Variants in DSCAML1 observed in about 807,000 individuals in gnomAD.
DSCAML1 encodes the protein DS cell adhesion molecule like 1.
DSCAML1 carries 38 observed loss-of-function variants against 200.5 expected under a neutral mutation model. That is an observed-to-expected ratio of 0.19 (90% CI 0.15 to 0.25). The LOEUF (loss-of-function observed/expected upper bound fraction) is 0.25. Among genes scored for constraint, DSCAML1 ranks in the 10% least tolerant of loss-of-function variants. DSCAML1 has a pLI of 1.00. For missense variants in DSCAML1, 2,223 were observed against 2,858.8 expected (o/e 0.78, Z 5.07); for synonymous variants, 1,215 against 1,165.0 (o/e 1.04, Z -0.87).
chr11:117,630,463 G>A (rs1288303902), intron 3 of DSCAML1, among the ~76,000 whole-genome samples: 1 of 151,900 alleles, frequency 6.6e-6, no homozygotes, highest in East Asian at 1.9e-4. Context: ...GGCAGCAGAG[G>A]GAGACAGCCC....
chr11:117,724,795 C>T (rs568751025), intron 3 of DSCAML1, among the ~76,000 whole-genome samples: 1 of 152,218 alleles, frequency 6.6e-6, no homozygotes, highest in East Asian at 1.9e-4. Flanking sequence ...TCCACACCCC[C>T]CTGACACTCT....
intron 3 of DSCAML1, among the ~76,000 whole-genome samples, chr11:117,544,197 G>A (rs932066656): frequency 4.1e-4 from 62 of 152,278 alleles, no homozygotes; most frequent in African/African-American, 1.4e-3. Context: ...CCAGGGCCTC[G>A]AAGTACCTCA....
intron 3 of DSCAML1, among the ~76,000 whole-genome samples, chr11:117,563,361 A>G (rs779501179): frequency 1.3e-5 from 2 of 152,200 alleles, no homozygotes; most frequent in Non-Finnish European, 1.5e-5. Context: ...TTGGCCCTCC[A>G]GTTCCCCAGC....
intron 3 of DSCAML1, among the ~76,000 whole-genome samples, chr11:117,716,035 G>A (rs1236843125): frequency 1.3e-5 from 2 of 152,190 alleles, no homozygotes; most frequent in African/African-American, 4.8e-5. Context: ...CATTAGCAGC[G>A]ATTTATCATG....
At chr11:117,474,366 G>A (rs954778715) in intron 14 of DSCAML1, among the ~76,000 whole-genome samples, 2 of 152,048 alleles carry the variant, frequency 1.3e-5, no homozygotes, top group African/African-American at 2.4e-5. Context: ...CTCTGTGCAG[G>A]TGCATCCCCC....
At chr11:117,680,550 G>A (rs569319021) in intron 3 of DSCAML1, among the ~76,000 whole-genome samples, 2 of 152,224 alleles carry the variant, frequency 1.3e-5, no homozygotes, top group Admixed American at 6.5e-5. Context: ...GGACTTCTGT[G>A]GGGGAGAACT....
intron 3 of DSCAML1, among the ~76,000 whole-genome samples, chr11:117,716,623 C>T (rs922088974): frequency 2.0e-5 from 3 of 152,188 alleles, no homozygotes; most frequent in Non-Finnish European, 4.4e-5. Context: ...CCTCATGATT[C>T]AGCCAGAGTA....
chr11:117,599,471 C>G (rs946151500), intron 3 of DSCAML1, among the ~76,000 whole-genome samples: 2 of 152,122 alleles, frequency 1.3e-5, no homozygotes, highest in African/African-American at 4.8e-5. Context: ...AGTATGAATG[C>G]CTTTCTCCAA....
At chr11:117,470,005 A>G (rs913759653) in intron 15 of DSCAML1, 25 bp from the exon 16 acceptor site, 1 of 1,574,602 alleles carries the variant, frequency 6.4e-7, no homozygotes, top group Non-Finnish European at 8.7e-7. Flanking sequence ...GGGGAGGAGA[A>G]ACATTACAAG....
At chr11:117,497,384 T>C (rs1343827513) in intron 11 of DSCAML1, among the ~76,000 whole-genome samples, 2 of 152,176 alleles carry the variant, frequency 1.3e-5, no homozygotes. Context: ...GCAGACCTCC[T>C]GGCGAGGGCC....
chr11:117,795,020 C>T lies in DSCAML1; in HGVS notation c.46+2014G>A, dbSNP rs148033769. ...ATCTCGAGTTGGACAAGATTTTGCC[C>T]CTTGGCTGTCCTGTTGCCTTCTGGG... On this transcript the variant is annotated intron_variant, in intron 1 of 32. Coordinates refer to ENST00000651296, the MANE Select transcript of DSCAML1 (RefSeq NM_020693.4). Among the ~76,000 whole-genome samples the T allele has an allele frequency of 7.7e-4, 117 of 152,334 alleles. 1 individual carries two copies. Among genetic ancestry groups the T allele is most frequent in the African/African-American group, 2.7e-3 (111 of 41,572 alleles).
In DSCAML1 at chr11:117,528,873, A is replaced by G. The variant is rs1020993966; in HGVS notation, c.658+3503T>C. On this transcript the variant is annotated intron_variant, in intron 4 of 32. Transcript: ENST00000651296. ...GTTGTATTTTGTGGAGGCACAGACT[A>G]TTCTTGCAACTGCCTCTGCAACTTG... Among the ~76,000 whole-genome samples the G allele has an allele frequency of 4.6e-5, 7 of 152,152 alleles. No homozygotes were observed. In the South Asian group the frequency reaches 1.0e-3, roughly 23 times the overall value.
At chr11:117,699,478 G>A (rs559470746) in intron 3 of DSCAML1, among the ~76,000 whole-genome samples, 374 of 152,344 alleles carry the variant, frequency 2.5e-3, no homozygotes, top group Non-Finnish European at 4.2e-3. Flanking sequence ...TCCGAAGGGA[G>A]GTGACGCAGG....
Position 117,769,097 on chromosome 11 carries a change from T to A in DSCAML1, c.511+7694A>T, listed in dbSNP as rs1215780362. Among the ~76,000 whole-genome samples, 319 of 129,430 alleles carry A rather than the reference T, an allele frequency of 2.5e-3. 1 individual carries two copies. Among genetic ancestry groups the A allele is most frequent in the African/African-American group, 8.6e-3 (296 of 34,464 alleles). The allele number at this position is 129,430 out of a possible 152,430, so 84.9% of individuals were successfully genotyped here. On this transcript the variant is annotated intron_variant, in intron 3 of 32. Coordinates refer to ENST00000651296, the MANE Select transcript of DSCAML1 (RefSeq NM_020693.4). ...ATATAATCTATATATAATATATATTTTATATATATAATAGATATTTTATAT... is the reference window on the plus strand; with the variant it reads ...ATATAATCTATATATAATATATATTATATATATATAATAGATATTTTATAT...
At chr11:117,687,111 C>T (rs1353872362) in intron 3 of DSCAML1, among the ~76,000 whole-genome samples, 10 of 151,972 alleles carry the variant, frequency 6.6e-5, no homozygotes, top group Admixed American at 6.5e-4. Context: ...AGGCCAAGGA[C>T]TCTGGGAGGA....
In DSCAML1 at chr11:117,687,190, G is replaced by C. The variant is rs553980799; in HGVS notation, c.511+89601C>G. The stretch of plus-strand genomic sequence containing the variant: ...GAGGAGGCAAGCCAAAGAGATCACA[G>C]GTAAAGAAGTTCAAGGAGGAGGGAG... On this transcript the variant is annotated intron_variant, in intron 3 of 32. Coordinates refer to ENST00000651296, the MANE Select transcript of DSCAML1 (RefSeq NM_020693.4). Among the ~76,000 whole-genome samples the C allele has an allele frequency of 7.2e-5, 11 of 152,256 alleles. No individual in the cohort carries two copies. In the South Asian group the frequency reaches 2.1e-3, roughly 29 times the overall value.
intron 1 of DSCAML1, among the ~76,000 whole-genome samples, chr11:117,788,539 C>T (rs1050189442): frequency 2.6e-5 from 4 of 152,290 alleles, no homozygotes; most frequent in South Asian, 2.1e-4. Context: ...GTTGGCCAAG[C>T]TGGTCTCGAA....
At chr11:117,660,797 G>A (rs1197810412) in intron 3 of DSCAML1, among the ~76,000 whole-genome samples, 1 of 152,132 alleles carries the variant, frequency 6.6e-6, no homozygotes, top group Non-Finnish European at 1.5e-5. Context: ...GCAGGAATGG[G>A]TGTCCTCTAG....
At chr11:117,608,622 A>T (rs2051622862) in intron 3 of DSCAML1, among the ~76,000 whole-genome samples, 1 of 152,238 alleles carries the variant, frequency 6.6e-6, no homozygotes, top group African/African-American at 2.4e-5. Context: ...GGATGTACTG[A>T]AATGTATTTA....
Sources: gnomAD v4.1 joint callset for allele counts (sites outside exome capture counted in the v4.1 genomes callset) on GRCh38, gnomAD v4.1.1 for gene constraint, MANE v1.5 for transcripts, NCBI Gene and HGNC (gene_info 2026-07-23, HGNC 2026-07-21) for gene names.